Variants in MAP2K6 observed in about 807,000 individuals in gnomAD.
The protein encoded by MAP2K6 is mitogen-activated protein kinase kinase 6, also known as dual specificity mitogen-activated protein kinase kinase 6.
In MAP2K6, 16 loss-of-function variants were observed where a neutral mutation model predicts 53.7. That is an observed-to-expected ratio of 0.30 (90% CI 0.20 to 0.45). The LOEUF (loss-of-function observed/expected upper bound fraction) is 0.45. Among genes scored for constraint, MAP2K6 ranks in the 20% least tolerant of loss-of-function variants. The pLI, the probability that MAP2K6 is intolerant of heterozygous loss-of-function variation, is 1.00. For missense variants in MAP2K6, 204 were observed against 411.9 expected (o/e 0.50, Z 4.37); for synonymous variants, 132 against 143.1 (o/e 0.92, Z 0.55).
At chr17:69,500,279 A>C (rs1598292361) in intron 1 of MAP2K6, among the ~76,000 whole-genome samples, 1 of 151,758 alleles carries the variant, frequency 6.6e-6, no homozygotes, top group African/African-American at 2.4e-5. Flanking sequence ...ATCTCTACTA[A>C]AAATACAAAA....
intron 1 of MAP2K6, among the ~76,000 whole-genome samples, chr17:69,446,848 C>T (rs1209537056): frequency 7.6e-6 from 1 of 132,160 alleles, no homozygotes; most frequent in Non-Finnish European, 1.6e-5. Context: ...AATTGCTAGA[C>T]TTAAGAATAA....
intron 11 of MAP2K6, among the ~76,000 whole-genome samples, chr17:69,540,383 C>T (rs1009136920): frequency 2.0e-5 from 3 of 152,136 alleles, no homozygotes; most frequent in African/African-American, 7.2e-5. Flanking sequence ...AGGTGAGACA[C>T]GTGGGACTAA....
intron 1 of MAP2K6, among the ~76,000 whole-genome samples, chr17:69,455,953 C>T (rs1182407517): frequency 6.6e-6 from 1 of 150,808 alleles, no homozygotes; most frequent in Non-Finnish European, 1.5e-5. Flanking sequence ...CTCCACCTCC[C>T]GGGTTCAAGC....
chr17:69,522,136 G>C (rs2145263253), intron 7 of MAP2K6, among the ~76,000 whole-genome samples: 1 of 152,308 alleles, frequency 6.6e-6, no homozygotes, highest in East Asian at 1.9e-4. Context: ...ATAATGGAAT[G>C]TATTGGTAAG....
intron 1 of MAP2K6, chr17:69,502,369 A>T: frequency 2.0e-6 from 2 of 985,428 alleles, no homozygotes; most frequent in Non-Finnish European, 2.4e-6. Flanking sequence ...ACCTCACCAG[A>T]GTCGCCTCTG....
chr17:69,510,209 T>C (rs1161108223), intron 2 of MAP2K6, among the ~76,000 whole-genome samples: 1 of 152,214 alleles, frequency 6.6e-6, no homozygotes, highest in African/African-American at 2.4e-5. Context: ...TCAATTGATA[T>C]GATCATAAGA....
intron 10 of MAP2K6, among the ~76,000 whole-genome samples, chr17:69,533,226 A>G (rs1031798691): frequency 1.3e-5 from 2 of 152,226 alleles, no homozygotes; most frequent in Non-Finnish European, 2.9e-5. Context: ...GGCATTAGCC[A>G]CTGCACCTGG....
chr17:69,444,650 T>C (rs1292532863), intron 1 of MAP2K6, among the ~76,000 whole-genome samples: 1 of 152,212 alleles, frequency 6.6e-6, no homozygotes, highest in East Asian at 1.9e-4. Flanking sequence ...TCTGCATCAC[T>C]GGGGACTGAT....
chr17:69,502,370 G>A (rs1051039414), intron 1 of MAP2K6: 1 of 985,338 alleles, frequency 1.0e-6, no homozygotes, highest in African/African-American at 1.7e-5. Flanking sequence ...CCTCACCAGA[G>A]TCGCCTCTGC....
intron 11 of MAP2K6, among the ~76,000 whole-genome samples, chr17:69,539,248 G>T (rs563614209): frequency 2.0e-5 from 3 of 152,162 alleles, no homozygotes; most frequent in Admixed American, 1.3e-4. Flanking sequence ...TCTATTCCTC[G>T]TAGTATGTTC....
intron 1 of MAP2K6, among the ~76,000 whole-genome samples, chr17:69,423,420 G>A (rs1906161288): frequency 1.3e-5 from 2 of 152,292 alleles, no homozygotes; most frequent in East Asian, 1.9e-4. Flanking sequence ...GAGCCCCTAT[G>A]TCCCACAAAG....
At chr17:69,504,805 T>C (rs1371873433) in intron 1 of MAP2K6, among the ~76,000 whole-genome samples, 2 of 152,200 alleles carry the variant, frequency 1.3e-5, no homozygotes, top group Admixed American at 6.5e-5. Context: ...TCAAGTTACC[T>C]TTCCATTTGG....
At chr17:69,490,904 G>A (rs1047077836) in intron 1 of MAP2K6, among the ~76,000 whole-genome samples, 1 of 151,568 alleles carries the variant, frequency 6.6e-6, no homozygotes, top group African/African-American at 2.4e-5. Context: ...AGTGTGTGTT[G>A]TTCCCTCATG....
At chr17:69,454,294 C>T (rs1049225236) in intron 1 of MAP2K6, among the ~76,000 whole-genome samples, 3 of 152,192 alleles carry the variant, frequency 2.0e-5, no homozygotes, top group African/African-American at 7.2e-5. Context: ...GCCAGTCTTA[C>T]CAGAGAAAAT....
At chr17:69,430,637 C>T (rs995694199) in intron 1 of MAP2K6, among the ~76,000 whole-genome samples, 2 of 152,086 alleles carry the variant, frequency 1.3e-5, no homozygotes, top group African/African-American at 2.4e-5. Context: ...CAAACAAGCC[C>T]GGACTTATCT....
chr17:69,497,741 C>T (rs1362601245), intron 1 of MAP2K6, among the ~76,000 whole-genome samples: 2 of 152,288 alleles, frequency 1.3e-5, no homozygotes, highest in South Asian at 2.1e-4. Context: ...CTTCTCCTTA[C>T]AAAGATATTT....
intron 1 of MAP2K6, among the ~76,000 whole-genome samples, chr17:69,460,835 A>G (rs1481679081): frequency 2.0e-5 from 3 of 152,162 alleles, no homozygotes; most frequent in Non-Finnish European, 2.9e-5. Context: ...CCTGGGCTCA[A>G]GAGATCCACC....
intron 2 of MAP2K6, among the ~76,000 whole-genome samples, chr17:69,506,980 C>G (rs1339431484): frequency 1.3e-5 from 2 of 149,660 alleles, no homozygotes; most frequent in Non-Finnish European, 3.0e-5. Context: ...TTTTCGGTCT[C>G]TCTGAGCAAT....
At chr17:69,488,200 AATC>A (rs1384873803) in intron 1 of MAP2K6, among the ~76,000 whole-genome samples, 1 of 152,220 alleles carries the variant, frequency 6.6e-6, no homozygotes, top group Non-Finnish European at 1.5e-5. Context: ...CCACATCACT[AATC>A]ATCAGAGAAA....
Sources: gnomAD v4.1 joint callset for allele counts (sites outside exome capture counted in the v4.1 genomes callset) on GRCh38, gnomAD v4.1.1 for gene constraint, MANE v1.5 for transcripts, NCBI Gene and HGNC (gene_info 2026-07-23, HGNC 2026-07-21) for gene names.